Variants in PTPRN2 observed in about 807,000 individuals in gnomAD.
The protein encoded by PTPRN2 is protein tyrosine phosphatase receptor type N2.
PTPRN2 carries 74 observed loss-of-function variants against 118.8 expected under a neutral mutation model. That is an observed-to-expected ratio of 0.62 (90% CI 0.52 to 0.76). The LOEUF is 0.76. PTPRN2 is among the 30% of genes least tolerant of loss of function. The pLI is 0.00. For synonymous variants in PTPRN2, 641 were observed against 608.0 expected, an observed-to-expected ratio of 1.05 and a Z score of -0.80; for missense variants, 1,481 against 1,394.4, an observed-to-expected ratio of 1.06 and a Z score of -0.99.
At chr7:157,682,222 G>T (rs1022313207) in intron 13 of PTPRN2, among the ~76,000 whole-genome samples, 3 of 152,162 alleles carry the variant, frequency 2.0e-5, no homozygotes, top group Non-Finnish European at 4.4e-5. Flanking sequence ...TGTCCCTCAT[G>T]GGGACGCGTG....
intron 12 of PTPRN2, among the ~76,000 whole-genome samples, chr7:157,823,904 G>A (rs1298019246): frequency 6.6e-6 from 1 of 152,154 alleles, no homozygotes; most frequent in Non-Finnish European, 1.5e-5. Flanking sequence ...GTGGGGAGGA[G>A]GTTGAATCAG....
intron 13 of PTPRN2, among the ~76,000 whole-genome samples, chr7:157,678,545 C>T (rs978972742): frequency 6.6e-6 from 1 of 152,178 alleles, no homozygotes; most frequent in African/African-American, 2.4e-5. Flanking sequence ...GACACGCCAG[C>T]CCCAGTCAAC....
chr7:157,936,715 G>A (rs142326271), intron 11 of PTPRN2, among the ~76,000 whole-genome samples: 90 of 151,718 alleles, frequency 5.9e-4, no homozygotes, highest in African/African-American at 2.0e-3. Flanking sequence ...GACACCTCCC[G>A]TGTCTCCTCC....
At chr7:158,238,362 G>A (rs1011514873) in intron 3 of PTPRN2, among the ~76,000 whole-genome samples, 12 of 151,956 alleles carry the variant, frequency 7.9e-5, no homozygotes, top group African/African-American at 2.2e-4. Context: ...AAAATAAAGC[G>A]GGGGGTGTGG....
chr7:158,481,636 G>T (rs1227028882), intron 2 of PTPRN2, among the ~76,000 whole-genome samples: 2 of 152,082 alleles, frequency 1.3e-5, no homozygotes, highest in East Asian at 3.9e-4. Context: ...GCTAATTTTT[G>T]TATTTTTAGT....
In PTPRN2 at chr7:158,544,651, AATT is replaced by A. The variant is rs1327018288; in HGVS notation, c.112+42904_112+42906del. On this transcript the variant is annotated intron_variant, in intron 1 of 22. Coordinates refer to ENST00000389418, the MANE Select transcript of PTPRN2 (RefSeq NM_002847.5). This position sits in a 1 kb window ranked among gnomAD's most constrained non-coding sequence, Gnocchi z 4.2. ...CAAACTCTGTCTCAAAAAAAAAAAA[AATT>A]ATGAGATTTTTTTGCAATTTTTTAA... is the stretch of plus-strand genomic sequence containing the variant. 6.6e-6 allele frequency among the ~76,000 whole-genome samples: 1 copy of A among 152,132 alleles called. No homozygotes were observed. Among genetic ancestry groups the A allele is most frequent in the African/African-American group, 2.4e-5 (1 of 41,432 alleles).
rs539892344 is a variant in PTPRN2 at position 158,098,724 on chromosome 7, C to T, written c.1643+12105G>A. Among the ~76,000 whole-genome samples, 4 of 152,224 alleles carry T rather than the reference C, an allele frequency of 2.6e-5. No individual in the cohort carries two copies. In the South Asian group the frequency reaches 8.3e-4, roughly 32 times the overall value. ...GGCTCGGGGACTGGAAGAAGAAGGACGTTTATCTCGTGAACGCGGGACGCT... is the reference window on the plus strand; with the variant it reads ...GGCTCGGGGACTGGAAGAAGAAGGATGTTTATCTCGTGAACGCGGGACGCT... On this transcript the variant is annotated intron_variant, in intron 10 of 22. Coordinates refer to ENST00000389418, the MANE Select transcript of PTPRN2 (RefSeq NM_002847.5).
intron 5 of PTPRN2, among the ~76,000 whole-genome samples, chr7:158,186,357 C>T (rs1156447078): frequency 1.3e-5 from 2 of 152,106 alleles, no homozygotes; most frequent in African/African-American, 2.4e-5. Context: ...GGGATAGTCT[C>T]CTGGCAGATT....
intron 22 of PTPRN2, among the ~76,000 whole-genome samples, chr7:157,544,200 C>T (rs189788498): frequency 2.6e-5 from 4 of 151,806 alleles, no homozygotes; most frequent in Non-Finnish European, 5.9e-5. Context: ...TGGAGAGCTA[C>T]GGAAATGAAC....
At chr7:158,354,077 C>T (rs572094763) in intron 2 of PTPRN2, among the ~76,000 whole-genome samples, 4 of 152,326 alleles carry the variant, frequency 2.6e-5, no homozygotes, top group African/African-American at 9.6e-5. Flanking sequence ...CAGGACATCC[C>T]CTTTGGGACA....
intron 16 of PTPRN2, 88 bp from the exon 17 acceptor site, chr7:157,595,403 G>T (rs1294509018): frequency 2.4e-6 from 3 of 1,264,358 alleles, no homozygotes; most frequent in Non-Finnish European, 3.4e-6. Flanking sequence ...AAGCCAGAAG[G>T]TTAGGAAACC....
intron 3 of PTPRN2, among the ~76,000 whole-genome samples, chr7:158,210,131 C>CTTTTTTTTTTT (rs869191127): frequency 9.2e-6 from 1 of 108,662 alleles, no homozygotes; most frequent in African/African-American, 3.8e-5. Flanking sequence ...AATGATGCAT[C>CTTTTTTTTTTT]TTTTTTTTTT....
chr7:157,740,065 T>C (rs774362974), intron 12 of PTPRN2, among the ~76,000 whole-genome samples: 2 of 152,248 alleles, frequency 1.3e-5, no homozygotes, highest in Admixed American at 6.5e-5. Flanking sequence ...CTGTACATTA[T>C]ATTGTGCTTT....
At chr7:157,567,173 C>T (rs1799527929) in intron 21 of PTPRN2, among the ~76,000 whole-genome samples, 1 of 152,194 alleles carries the variant, frequency 6.6e-6, no homozygotes, top group African/African-American at 2.4e-5. Flanking sequence ...TTTGACAAGA[C>T]ACAGCAGCAT....
At chr7:157,898,025 C>T (rs1027417745) in intron 12 of PTPRN2, among the ~76,000 whole-genome samples, 2 of 152,252 alleles carry the variant, frequency 1.3e-5, no homozygotes, top group African/African-American at 2.4e-5. Context: ...CGGCCATCGG[C>T]GCGGTGCGGG....
At chr7:158,373,704 G>A (rs147967609) in intron 2 of PTPRN2, among the ~76,000 whole-genome samples, 33 of 152,276 alleles carry the variant, frequency 2.2e-4, no homozygotes, top group African/African-American at 3.4e-4. Context: ...AGTTCCCACC[G>A]GATGAAAGTT....
intron 11 of PTPRN2, among the ~76,000 whole-genome samples, chr7:157,989,316 G>C (rs1044323073): frequency 7.2e-5 from 11 of 152,204 alleles, no homozygotes; most frequent in African/African-American, 2.4e-4. Context: ...CTACTCGAGA[G>C]GCTGAGGTGG....
intron 11 of PTPRN2, among the ~76,000 whole-genome samples, chr7:158,012,312 C>T (rs148490483): frequency 6.6e-6 from 1 of 152,176 alleles, no homozygotes; most frequent in Non-Finnish European, 1.5e-5. Context: ...ACGACGCTGG[C>T]TTTACACACC....
At chr7:157,821,574 G>A (rs1197100410) in intron 12 of PTPRN2, among the ~76,000 whole-genome samples, 1 of 152,216 alleles carries the variant, frequency 6.6e-6, no homozygotes, top group African/African-American at 2.4e-5. Flanking sequence ...GCTCTCAAAA[G>A]CTGATGGAGA....
Sources: allele counts gnomAD v4.1 joint callset (sites outside exome capture counted in the v4.1 genomes callset), GRCh38; gene constraint gnomAD v4.1.1; non-coding constraint Gnocchi (gnomAD v3.1); transcripts MANE v1.5; gene names NCBI Gene and HGNC (gene_info 2026-07-23, HGNC 2026-07-21).